The following DCLK2 variants were observed in gnomAD, a reference collection of about 807,000 sequenced individuals.
DCLK2 encodes the protein doublecortin like kinase 2.
In DCLK2, 31 loss-of-function variants were observed where a neutral mutation model predicts 78.4. The ratio of observed to expected loss-of-function variants is 0.40; its 90% CI spans 0.30 to 0.53. DCLK2 has a LOEUF of 0.53. Among genes scored for constraint, DCLK2 ranks in the 20% least tolerant of loss-of-function variants. The probability of loss-of-function intolerance (pLI) is 0.61; values close to 1 mark genes in which losing one functional copy is unlikely to be tolerated. For synonymous variants in DCLK2, 407 were observed against 374.9 expected, an observed-to-expected ratio of 1.09 and a Z score of -0.99; for missense variants, 872 against 973.7, an observed-to-expected ratio of 0.90 and a Z score of 1.39.
intron 1 of DCLK2, among the ~76,000 whole-genome samples, chr4:150,092,324 C>A (rs1329050644): frequency 6.6e-6 from 1 of 152,064 alleles, no homozygotes; most frequent in African/African-American, 2.4e-5. Flanking sequence ...GATATATACC[C>A]CAAAGTACAA....
At chr4:150,208,256 C>G (rs1442367579) in intron 5 of DCLK2, among the ~76,000 whole-genome samples, 1 of 152,094 alleles carries the variant, frequency 6.6e-6, no homozygotes, top group African/African-American at 2.4e-5. Context: ...TTGAAGTGGC[C>G]TAACAAAATA....
intron 15 of DCLK2, among the ~76,000 whole-genome samples, chr4:150,252,028 G>T (rs1744205416): frequency 6.6e-6 from 1 of 152,158 alleles, no homozygotes; most frequent in African/African-American, 2.4e-5. Flanking sequence ...CTGTGCCAAA[G>T]CAGTGAGAAG....
chr4:150,153,373 C>T (rs1248178131), intron 2 of DCLK2, among the ~76,000 whole-genome samples: 9 of 152,022 alleles, frequency 5.9e-5, no homozygotes, highest in Non-Finnish European at 1.2e-4. Flanking sequence ...GGCCTGCCAG[C>T]CTTGATCCCT....
chr4:150,172,203 C>T (rs1319046185), intron 2 of DCLK2, among the ~76,000 whole-genome samples: 2 of 152,104 alleles, frequency 1.3e-5, no homozygotes, highest in African/African-American at 4.8e-5. Context: ...AATGGAAATG[C>T]TCTTTGATGA....
chr4:150,197,702 C>T (rs1048490151), intron 3 of DCLK2, among the ~76,000 whole-genome samples: 9 of 151,168 alleles, frequency 6.0e-5, no homozygotes, highest in African/African-American at 2.2e-4. Context: ...TTGCAGTGAG[C>T]AGAATCGCTT....
Position 150,249,537 on chromosome 4 carries a change from G to A in DCLK2, c.1957-31G>A, listed in dbSNP as rs201483131. 7.6e-6 allele frequency: 12 copies of A among 1,588,198 alleles called. No individual in the cohort carries two copies. The East Asian group carries it at 1.1e-4, about 15-fold the overall frequency. ...CAACTCAAACGGGAGGATGGAAAAA[G>A]CATTGTATTTGATTGTTTTCTTTCC... On this transcript the variant is annotated intron_variant, in intron 14 of 15. Transcript: ENST00000296550.
chr4:150,110,731 C>T (rs1731626851), intron 2 of DCLK2, among the ~76,000 whole-genome samples: 2 of 152,080 alleles, frequency 1.3e-5, no homozygotes, highest in Non-Finnish European at 2.9e-5. Context: ...TGAGAAAATA[C>T]ACTATTTGGT....
intron 1 of DCLK2, among the ~76,000 whole-genome samples, chr4:150,082,370 A>G (rs547569953): frequency 1.7e-3 from 255 of 152,322 alleles, no homozygotes; most frequent in Non-Finnish European, 3.0e-3. Flanking sequence ...TGATGACTCA[A>G]AACAGTAGGA....
At chr4:150,101,756 T>G (rs1446773755) in intron 1 of DCLK2, among the ~76,000 whole-genome samples, 2 of 152,176 alleles carry the variant, frequency 1.3e-5, no homozygotes, top group African/African-American at 4.8e-5. Context: ...AAGCAGAAGG[T>G]TTCATGAGTA....
At chr4:150,098,436 TCAGCC>T (rs1284439016) in intron 1 of DCLK2, among the ~76,000 whole-genome samples, 1 of 152,202 alleles carries the variant, frequency 6.6e-6, no homozygotes, top group Admixed American at 6.5e-5. Context: ...TAGCTATGAG[TCAGCC>T]CAGTTCTGGG....
chr4:150,215,637 C>T (rs1398425177), intron 5 of DCLK2, among the ~76,000 whole-genome samples: 1 of 152,212 alleles, frequency 6.6e-6, no homozygotes, highest in African/African-American at 2.4e-5. Flanking sequence ...CGTCCACATA[C>T]TCAGCTATCC....
chr4:150,113,692 C>A (rs1199671612), intron 2 of DCLK2, among the ~76,000 whole-genome samples: 1 of 130,594 alleles, frequency 7.7e-6, no homozygotes, highest in East Asian at 2.0e-4. Context: ...TTGCAAAGAA[C>A]CAACCTTTTT....
rs556209265 is a variant in DCLK2 at position 150,093,525 on chromosome 4, G to A, written c.422-8953G>A. ...GTCTCACGAGTAGCTGGAATTACAGGCTTGTGCCACCATACCTGGCTAATT... is the reference window on the plus strand; with the variant it reads ...GTCTCACGAGTAGCTGGAATTACAGACTTGTGCCACCATACCTGGCTAATT... On this transcript the variant is annotated intron_variant, in intron 1 of 15. Coordinates refer to ENST00000296550, the MANE Select transcript of DCLK2 (RefSeq NM_001040260.4). Among the ~76,000 whole-genome samples, 9 of 152,318 alleles carry A rather than the reference G, an allele frequency of 5.9e-5. No homozygotes were observed. In the South Asian group the frequency reaches 1.5e-3, roughly 25 times the overall value.
chr4:150,230,200 G>C (rs1430705216), intron 8 of DCLK2, among the ~76,000 whole-genome samples: 2 of 152,210 alleles, frequency 1.3e-5, no homozygotes, highest in African/African-American at 4.8e-5. Context: ...TGCAGTATTT[G>C]AAAGGTAACA....
Position 150,256,667 on chromosome 4 carries a change from C to G in DCLK2, c.*420C>G, listed in dbSNP as rs1017476670. 3 of 153,032 alleles carry G rather than the reference C, an allele frequency of 2.0e-5. No homozygotes were observed. Among genetic ancestry groups the G allele is most frequent in the African/African-American group, 7.5e-5 (3 of 40,076 alleles). 9.5% of individuals were successfully genotyped at this position (153,032 alleles called of 1,614,324 possible). On this transcript the variant is annotated 3_prime_UTR_variant, in exon 16 of 16. Coordinates refer to ENST00000296550, the MANE Select transcript of DCLK2 (RefSeq NM_001040260.4). ...TAAGTAGACTCAGAACACTCCCTTT[C>G]TTTTCTTTTCTCTCTCTCTCTCTCT...
At chr4:150,200,676 A>C (rs1739385775) in intron 4 of DCLK2, among the ~76,000 whole-genome samples, 1 of 152,208 alleles carries the variant, frequency 6.6e-6, no homozygotes. Context: ...AACTTTATGA[A>C]CATAATATTG....
intron 2 of DCLK2, among the ~76,000 whole-genome samples, chr4:150,114,406 A>G (rs758679971): frequency 1.3e-5 from 2 of 151,968 alleles, no homozygotes; most frequent in Non-Finnish European, 2.9e-5. Context: ...GTAGTAAGGT[A>G]CTGTTGTTAC....
chr4:150,231,046 T>C (rs962364831), intron 8 of DCLK2, among the ~76,000 whole-genome samples: 3 of 152,250 alleles, frequency 2.0e-5, no homozygotes, highest in Non-Finnish European at 2.9e-5. Flanking sequence ...TATTTTCAGC[T>C]TACAGCTATA....
intron 1 of DCLK2, among the ~76,000 whole-genome samples, chr4:150,088,329 T>C (rs546277049): frequency 6.6e-6 from 1 of 152,144 alleles, no homozygotes; most frequent in Non-Finnish European, 1.5e-5. Flanking sequence ...AATTTTACAA[T>C]GTATTTAAAC....
Sources: gnomAD v4.1 joint callset for allele counts (sites outside exome capture counted in the v4.1 genomes callset) on GRCh38, gnomAD v4.1.1 for gene constraint, MANE v1.5 for transcripts, NCBI Gene and HGNC (gene_info 2026-07-23, HGNC 2026-07-21) for gene names.